GRM7: variants seen among roughly 807,000 people sequenced by gnomAD.
The protein encoded by GRM7 is glutamate metabotropic receptor 7, also known as metabotropic glutamate receptor 7.
A neutral mutation model predicts 84.5 loss-of-function variants in GRM7; 35 were observed. The ratio of observed to expected loss-of-function variants is 0.41; its 90% confidence interval spans 0.32 to 0.55. The LOEUF is 0.55. Ranked by LOEUF, GRM7 falls within the 20% of genes least tolerant of loss-of-function variation. The pLI is 0.19. For synonymous variants in GRM7, 487 were observed against 455.1 expected (o/e 1.07, Z -0.89); for missense variants, 1,003 against 1,194.6 (o/e 0.84, Z 2.36).
At chr3:7,300,848 A>C (rs2125024888) in intron 3 of GRM7, among the ~76,000 whole-genome samples, 1 of 152,124 alleles carries the variant, frequency 6.6e-6, no homozygotes, top group South Asian at 2.1e-4. Context: ...ATTCTTCACT[A>C]GTTCGTAAAA....
chr3:6,940,448 G>C (rs1027022858), intron 1 of GRM7, among the ~76,000 whole-genome samples: 4 of 152,090 alleles, frequency 2.6e-5, no homozygotes, highest in Non-Finnish European at 5.9e-5. Context: ...TTTTCTATCA[G>C]ATCTTATGCT....
At chr3:7,270,334 A>G (rs972730533) in intron 2 of GRM7, among the ~76,000 whole-genome samples, 2 of 152,230 alleles carry the variant, frequency 1.3e-5, no homozygotes, top group African/African-American at 4.8e-5. Flanking sequence ...GCTAGACTGT[A>G]ACTTCATTGA....
intron 4 of GRM7, among the ~76,000 whole-genome samples, chr3:7,409,333 C>T (rs986627700): frequency 1.3e-5 from 2 of 151,958 alleles, no homozygotes; most frequent in Non-Finnish European, 2.9e-5. Flanking sequence ...TTAACTTGAA[C>T]GGAATTGACA....
intron 1 of GRM7, among the ~76,000 whole-genome samples, chr3:6,947,764 CT>C (rs1352924413): frequency 2.0e-5 from 3 of 152,130 alleles, no homozygotes; most frequent in African/African-American, 7.2e-5. Flanking sequence ...GATTCAACTT[CT>C]TCCTGGTTTA....
At chr3:7,321,896 G>C (rs527279862) in intron 4 of GRM7, among the ~76,000 whole-genome samples, 76 of 152,140 alleles carry the variant, frequency 5.0e-4, no homozygotes, top group Middle Eastern at 6.8e-3. Flanking sequence ...TCATGCAGAT[G>C]CTTATGACTT....
At chr3:7,023,616 A>G (rs1695862066) in intron 1 of GRM7, among the ~76,000 whole-genome samples, 1 of 152,146 alleles carries the variant, frequency 6.6e-6, no homozygotes, top group African/African-American at 2.4e-5. Context: ...TCAAGGAGTA[A>G]ACCATGCTGG....
At position 7,459,854 on chromosome 3, in the gene GRM7, C is replaced by G. The variant is rs202103396; in HGVS notation, c.1376-1729C>G. 8.6e-5 allele frequency among the ~76,000 whole-genome samples: 13 copies of G among 152,010 alleles called. No homozygotes were observed. The East Asian group carries it at 1.9e-3, about 23-fold the overall frequency. On this transcript the variant is annotated intron_variant, in intron 6 of 9. Coordinates refer to ENST00000357716, the MANE Select transcript of GRM7 (RefSeq NM_000844.4). ...GAGTGTGTGAGTATAAGCAAGGGAA[C>G]TCAGTAAGCCCGTTCTTGGTAGTTC...
intron 8 of GRM7, among the ~76,000 whole-genome samples, chr3:7,632,266 G>A (rs983351385): frequency 1.3e-5 from 2 of 152,142 alleles, no homozygotes; most frequent in Non-Finnish European, 2.9e-5. Flanking sequence ...CATTTCCCCC[G>A]TGGTATAGAG....
intron 4 of GRM7, among the ~76,000 whole-genome samples, chr3:7,362,052 C>G (rs569701073): frequency 6.6e-6 from 1 of 152,078 alleles, no homozygotes; most frequent in Non-Finnish European, 1.5e-5. Flanking sequence ...AGTCTTAAGT[C>G]TCAGCCTTGT....
intron 1 of GRM7, among the ~76,000 whole-genome samples, chr3:7,083,561 T>C (rs537575067): frequency 2.0e-5 from 3 of 152,222 alleles, no homozygotes; most frequent in South Asian, 4.1e-4. Context: ...CAGTAGGTGC[T>C]CTTGCTAATT....
Position 6,963,274 on chromosome 3 carries a change from T to C in GRM7, c.519+101367T>C, listed in dbSNP as rs562019056. On this transcript the variant is annotated intron_variant, in intron 1 of 9. Transcript: ENST00000357716. ...GAAGTTTTAGGTTCTGAAGAACTTT[T>C]ATGGGCTGACATTTTGCATTCTTTA... Among the ~76,000 whole-genome samples the C allele has an allele frequency of 5.3e-5, 8 of 152,328 alleles. No individual in the cohort carries two copies. In the South Asian group the frequency reaches 1.7e-3, roughly 32 times the overall value.
chr3:7,262,856 C>A (rs1698484760), intron 2 of GRM7, among the ~76,000 whole-genome samples: 1 of 152,154 alleles, frequency 6.6e-6, no homozygotes, highest in Admixed American at 6.5e-5. Context: ...TGCCACTGCA[C>A]CCAGCTAATT....
intron 1 of GRM7, among the ~76,000 whole-genome samples, chr3:6,873,342 G>T (rs981886298): frequency 8.5e-5 from 13 of 152,110 alleles, no homozygotes; most frequent in Non-Finnish European, 1.9e-4. Context: ...CAAAGTGTTG[G>T]GATTACGGGC....
chr3:7,173,276 C>T (rs1160978475), intron 2 of GRM7, among the ~76,000 whole-genome samples: 1 of 152,174 alleles, frequency 6.6e-6, no homozygotes, highest in African/African-American at 2.4e-5. Context: ...TACTTACAAT[C>T]CTGAATTTCA....
intron 4 of GRM7, among the ~76,000 whole-genome samples, chr3:7,356,864 G>A (rs1693429107): frequency 6.8e-6 from 1 of 146,486 alleles, no homozygotes; most frequent in South Asian, 2.1e-4. Context: ...CCACCCTACT[G>A]GCTTCTCTCA....
chr3:7,511,346 C>T (rs1217617787), intron 7 of GRM7, among the ~76,000 whole-genome samples: 1 of 152,172 alleles, frequency 6.6e-6, no homozygotes, highest in African/African-American at 2.4e-5. Flanking sequence ...TAAAATCACA[C>T]CTGAGCCTAT....
At chr3:7,481,141 T>C (rs1699112174) in intron 7 of GRM7, among the ~76,000 whole-genome samples, 1 of 152,020 alleles carries the variant, frequency 6.6e-6, no homozygotes. Context: ...TGCAGTGGTA[T>C]GGTCACAGCT....
At chr3:7,101,916 A>C (rs1300912328) in intron 1 of GRM7, among the ~76,000 whole-genome samples, 1 of 150,996 alleles carries the variant, frequency 6.6e-6, no homozygotes, top group Non-Finnish European at 1.5e-5. Context: ...TTCATTCATA[A>C]ATGGCATTGT....
chr3:7,645,211 A>G lies in GRM7; in HGVS notation c.2452-34838A>G, dbSNP rs17047780. 9.8e-3 allele frequency among the ~76,000 whole-genome samples: 1,496 copies of G among 152,160 alleles called. 19 individuals carry two copies. Among genetic ancestry groups the G allele is most frequent in the African/African-American group, 0.033 (1,381 of 41,494 alleles). On this transcript the variant is annotated intron_variant, in intron 8 of 9. Transcript: ENST00000357716. ...CATTTTCCTAAACTGAGGTAGATGG[A>G]TCAAAGAGGTCATGGAAAGCAAACT...
Sources: allele counts gnomAD v4.1 joint callset (sites outside exome capture counted in the v4.1 genomes callset), GRCh38; gene constraint gnomAD v4.1.1; transcripts MANE v1.5; gene names NCBI Gene and HGNC (gene_info 2026-07-23, HGNC 2026-07-21).